RHOQ: variants seen among roughly 807,000 people sequenced by gnomAD.
The protein encoded by RHOQ is rho-related GTP-binding protein RhoQ.
In RHOQ, 7 loss-of-function variants were observed where a neutral mutation model predicts 25.8. The observed-to-expected ratio is 0.27, with a 90% confidence interval of 0.15 to 0.51. The LOEUF is 0.51. RHOQ is among the 20% of genes least tolerant of loss of function. The pLI is 0.97. For synonymous variants in RHOQ, 97 were observed against 98.6 expected, an observed-to-expected ratio of 0.98 and a Z score of 0.10; for missense variants, 165 against 260.6, an observed-to-expected ratio of 0.63 and a Z score of 2.53.
intron 1 of RHOQ, 48 bp from the exon 2 acceptor site, chr2:46,543,706 C>T (rs1479499139): frequency 1.9e-6 from 3 of 1,576,006 alleles, no homozygotes; most frequent in Non-Finnish European, 2.6e-6. Context: ...GCCCCAGAGC[C>T]CAGGTCACTG....
rs908178158 is a variant in RHOQ, at chr2:46,577,565, A to ATT, written c.462+932_462+933dup. Among the ~76,000 whole-genome samples the ATT allele has an allele frequency of 7.1e-4, 46 of 64,934 alleles. 1 individual carries two copies. The highest frequency in any genetic ancestry group is 2.2e-3 in the African/African-American group (37 of 16,510). The allele number at this position is 64,934 out of a possible 152,430, so 42.6% of individuals were successfully genotyped here. On this transcript the variant is annotated intron_variant, in intron 4 of 4. Transcript: ENST00000238738. Reference sequence around the variant, plus strand: ...CAGGTGCCTGCCACCACACCCGGCTATTTTTTTTTTTTTTTTTTTTTTTTC... The same window carrying ATT: ...CAGGTGCCTGCCACCACACCCGGCTATTTTTTTTTTTTTTTTTTTTTTTTTTC...
At chr2:46,563,080 A>G (rs1184009015) in intron 2 of RHOQ, among the ~76,000 whole-genome samples, 2 of 152,238 alleles carry the variant, frequency 1.3e-5, no homozygotes, top group African/African-American at 4.8e-5. Context: ...AAAGAAACAG[A>G]AAAGGTAAGT....
chr2:46,551,544 G>T (rs142158909), intron 2 of RHOQ, among the ~76,000 whole-genome samples: 1 of 152,324 alleles, frequency 6.6e-6, no homozygotes, highest in East Asian at 1.9e-4. Context: ...GTGGAGCAGG[G>T]TTGATAACTA....
At chr2:46,570,649 C>A (rs1022483248) in intron 2 of RHOQ, among the ~76,000 whole-genome samples, 1 of 152,172 alleles carries the variant, frequency 6.6e-6, no homozygotes, top group African/African-American at 2.4e-5. Context: ...TTGGACTTCT[C>A]GCTAGAAACA....
intron 2 of RHOQ, among the ~76,000 whole-genome samples, chr2:46,570,895 G>T (rs1267166900): frequency 1.3e-5 from 2 of 152,182 alleles, no homozygotes; most frequent in Admixed American, 6.5e-5. Context: ...AACTCTAGTA[G>T]GTTTTGATAA....
chr2:46,579,843 CA>C (rs34843228), intron 4 of RHOQ, among the ~76,000 whole-genome samples: 6,455 of 135,424 alleles, frequency 0.048, 229 homozygotes, highest in Admixed American at 0.13. Flanking sequence ...GAAACTGTCT[CA>C]AAAAAAAAAA....
chr2:46,558,952 GGTTTT>G (rs1220719759), intron 2 of RHOQ, among the ~76,000 whole-genome samples: 2 of 151,784 alleles, frequency 1.3e-5, no homozygotes, highest in Non-Finnish European at 2.9e-5. Flanking sequence ...AAGCGGTTTA[GGTTTT>G]GTTTTGTTTT....
At chr2:46,550,367 A>G (rs147838451) in intron 2 of RHOQ, among the ~76,000 whole-genome samples, 1 of 152,370 alleles carries the variant, frequency 6.6e-6, no homozygotes, top group African/African-American at 2.4e-5. Context: ...GGAAAGCTTC[A>G]CTAATACAGT....
chr2:46,571,037 C>T (rs1572751912), intron 2 of RHOQ, among the ~76,000 whole-genome samples: 1 of 152,180 alleles, frequency 6.6e-6, no homozygotes, highest in Admixed American at 6.5e-5. Context: ...AACTAAGGCC[C>T]TAAGGAATAA....
chr2:46,562,067 C>T (rs1330070271), intron 2 of RHOQ, among the ~76,000 whole-genome samples: 6 of 152,174 alleles, frequency 3.9e-5, no homozygotes, highest in Non-Finnish European at 8.8e-5. Context: ...CAGGCCCAAA[C>T]GATGGAGCAC....
intron 2 of RHOQ, among the ~76,000 whole-genome samples, chr2:46,546,705 T>C (rs1180961130): frequency 6.6e-6 from 1 of 151,650 alleles, no homozygotes; most frequent in Non-Finnish European, 1.5e-5. Flanking sequence ...GGTCATAGGC[T>C]GGCTTAAACT....
At chr2:46,547,375 G>A (rs970255358) in intron 2 of RHOQ, among the ~76,000 whole-genome samples, 2 of 152,262 alleles carry the variant, frequency 1.3e-5, no homozygotes, top group African/African-American at 4.8e-5. Context: ...GGTGATTGTT[G>A]TAGATGACCT....
chr2:46,560,597 C>T lies in RHOQ; in HGVS notation c.202-15490C>T, dbSNP rs553336273. On this transcript the variant is annotated intron_variant, in intron 2 of 4. Transcript: ENST00000238738. ...TCTGGATCCTGGGGTCACGTGATCA[C>T]GTTTTCCTTCCATACGAGAGCATGG... is the stretch of plus-strand genomic sequence containing the variant. 36 of 456,248 alleles carry T rather than the reference C, an allele frequency of 7.9e-5. No homozygotes were observed. In the East Asian group the frequency reaches 2.2e-3, roughly 28 times the overall value. The allele number at this position is 456,248 out of a possible 1,614,324, so 28.3% of individuals were successfully genotyped here. A position where few individuals can be genotyped will look rare whatever the true frequency, so the allele number is the denominator to read the frequency against.
At chr2:46,554,760 C>A (rs1299749131) in intron 2 of RHOQ, among the ~76,000 whole-genome samples, 1 of 151,890 alleles carries the variant, frequency 6.6e-6, no homozygotes, top group Non-Finnish European at 1.5e-5. Flanking sequence ...TTCTCCTGCG[C>A]CTGCTCTTTT....
At chr2:46,561,661 C>T (rs770729134) in intron 2 of RHOQ, among the ~76,000 whole-genome samples, 4 of 152,266 alleles carry the variant, frequency 2.6e-5, no homozygotes, top group Non-Finnish European at 4.4e-5. Context: ...GATGTATTCT[C>T]TCCACTCTGA....
In RHOQ at chr2:46,572,183, G is replaced by A. The variant is rs1668953759; in HGVS notation, c.202-3904G>A. On this transcript the variant is annotated intron_variant, in intron 2 of 4. Transcript: ENST00000238738. Reference sequence around the variant, plus strand: ...CCAGGCATGTTCATGGCTCACTGCAGGCCCAACCTCTTGAGCTCAACTGAT... The same window carrying A: ...CCAGGCATGTTCATGGCTCACTGCAAGCCCAACCTCTTGAGCTCAACTGAT... Among the ~76,000 whole-genome samples the A allele has an allele frequency of 2.3e-5, 3 of 132,300 alleles. No individual in the cohort carries two copies. In the South Asian group the frequency reaches 7.6e-4, roughly 33 times the overall value. The allele number at this position is 132,300 out of a possible 152,430, so 86.8% of individuals were successfully genotyped here.
Position 46,576,530 on chromosome 2 carries a change from T to G in RHOQ, c.367-31T>G. 1 of 1,307,474 alleles carries G rather than the reference T, an allele frequency of 7.6e-7. No individual in the cohort carries two copies. Among genetic ancestry groups the G allele is most frequent in the Non-Finnish European group, 1.1e-6 (1 of 922,022 alleles). The allele number at this position is 1,307,474 out of a possible 1,614,324, so 81.0% of individuals were successfully genotyped here. ...GATTTTTCTTTAAAGATTTGTAATA[T>G]TATGGGACATTATTGACCTTTCTTA... On this transcript the variant is annotated intron_variant, in intron 3 of 4. Coordinates refer to ENST00000238738, the MANE Select transcript of RHOQ (RefSeq NM_012249.4). This position sits in a 1 kb window ranked among gnomAD's most constrained non-coding sequence, Gnocchi z 5.1.
At position 46,543,778 on chromosome 2, in the gene RHOQ, A is replaced by G; in HGVS notation, c.167A>G (p.Gln56Arg). Reference sequence around the variant, plus strand: ...GTCAGCGTCACCGTGGGGGGCAAGCAGTACCTCCTAGGACTCTATGACACG... The same window carrying G: ...GTCAGCGTCACCGTGGGGGGCAAGCGGTACCTCCTAGGACTCTATGACACG... ...YAVSVTVGGK[Q>R]YLLGLYDTAG... is the part of the protein sequence containing the mutation. The change falls in exon 2 of 5, where the codon CAG (glutamine) becomes CGG (arginine). Residue 56 changes from glutamine to arginine, a missense_variant. By Grantham distance (43) the Gln-to-Arg change is conservative (BLOSUM62 1). Coordinates refer to ENST00000238738, the MANE Select transcript of RHOQ (RefSeq NM_012249.4). 1 of 1,613,738 alleles carries G rather than the reference A, an allele frequency of 6.2e-7. No individual in the cohort carries two copies. The highest frequency in any genetic ancestry group is 8.5e-7 in the Non-Finnish European group (1 of 1,179,872).
Position 46,576,232 on chromosome 2 carries a change from T to A in RHOQ, c.347T>A (p.Phe116Tyr). Reference protein sequence around the residue: ...ELKEYAPNVPFLLIGTQIDLR... With the variant: ...ELKEYAPNVPYLLIGTQIDLR... Reference sequence around the variant, plus strand: ...AAGGAATACGCACCAAATGTACCCTTTTTATTAATAGGAACTCAGGTATGT... The same window carrying A: ...AAGGAATACGCACCAAATGTACCCTATTTATTAATAGGAACTCAGGTATGT... The change falls in exon 3 of 5, where the codon TTT becomes TAT. Residue 116 changes from phenylalanine to tyrosine, a missense_variant. Coordinates refer to ENST00000238738, the MANE Select transcript of RHOQ (RefSeq NM_012249.4). The surrounding 1 kb of genome is among the most constrained non-coding windows in gnomAD (Gnocchi z 5.1). 1 of 1,609,550 alleles carries A rather than the reference T, an allele frequency of 6.2e-7. No homozygotes were observed. Among genetic ancestry groups the A allele is most frequent in the Non-Finnish European group, 8.5e-7 (1 of 1,178,344 alleles).
Sources: allele counts gnomAD v4.1 joint callset (sites outside exome capture counted in the v4.1 genomes callset), GRCh38; gene constraint gnomAD v4.1.1; non-coding constraint Gnocchi (gnomAD v3.1); transcripts MANE v1.5; gene names NCBI Gene and HGNC (gene_info 2026-07-23, HGNC 2026-07-21).